CSAD: variants seen among roughly 807,000 people sequenced by gnomAD.
CSAD encodes the protein P-selectin cytoplasmic tail-associated protein.
A neutral mutation model predicts 61.5 loss-of-function variants in CSAD; 47 were observed. The observed-to-expected ratio is 0.76, with a 90% CI of 0.60 to 0.97. The LOEUF is 0.97. CSAD is among the 50% of genes least tolerant of loss of function. The pLI is 0.00. For synonymous variants in CSAD, 245 were observed against 252.7 expected (o/e 0.97, Z 0.29); for missense variants, 611 against 643.6 (o/e 0.95, Z 0.55).
chr12:53,180,024 G>A (rs1941445705), intron 1 of CSAD: 1 of 1,432,608 alleles, frequency 7.0e-7, no homozygotes, highest in African/African-American at 1.4e-5. Context: ...TGGAGTAAAG[G>A]GCGAAGGGGA....
chr12:53,171,766 C>G (rs1940610075), intron 7 of CSAD, 116 bp downstream of exon 7: 1 of 746,996 alleles, frequency 1.3e-6, no homozygotes, highest in African/African-American at 1.8e-5. Context: ...CTGGGTCCAG[C>G]TGGAGAGGAA....
chr12:53,160,460 G>C (rs1364595392), intron 13 of CSAD, 141 bp from the exon 14 acceptor site: 1 of 856,918 alleles, frequency 1.2e-6, no homozygotes, highest in Non-Finnish European at 1.8e-6. Flanking sequence ...CTGCCTGCTG[G>C]CTCCAACACC....
In CSAD at chr12:53,171,420, T is replaced by C. The variant is rs142908260; in HGVS notation, c.473A>G (p.Tyr158Cys). Residue 158 changes from tyrosine to cysteine, a missense_variant, in exon 8 of 17, where the codon TAT becomes TGT. By Grantham distance (194) the Tyr-to-Cys change is radical. Coordinates refer to ENST00000444623, the MANE Select transcript of CSAD (RefSeq NM_001244705.2). The stretch of plus-strand genomic sequence containing the variant: ...CTGATAGCGGGCCAGATTTACAGCA[T>C]ACATGTTGGAGATGGAGCCACCTGT... ...FCPGGSISNM[Y>C]AVNLARYQRY... is the part of the protein sequence containing the mutation. 455 of 1,613,776 alleles carry C rather than the reference T, an allele frequency of 2.8e-4. No individual in the cohort carries two copies. The highest frequency in any genetic ancestry group is 3.6e-4 in the Non-Finnish European group (428 of 1,179,988).
rs1226135466 is a variant in CSAD at position 53,161,348 on chromosome 12, A to C, written c.744T>G (p.Thr248=). ...PFLVSATSGT[T]VLGAFDPLEA... is the part of the protein sequence containing the mutation. ...CCAGGGGGTCAAAGGCCCCTAGCAC[A>C]GTGGTGCCAGAGGTGGCACTGACCA... Residue 248 remains threonine (T), a synonymous_variant, in exon 11 of 17, where the codon ACT becomes ACG. Transcript: ENST00000444623. 1 of 1,613,896 alleles carries C rather than the reference A, an allele frequency of 6.2e-7. No homozygotes were observed. Among genetic ancestry groups the C allele is most frequent in the African/African-American group, 1.3e-5 (1 of 74,916 alleles).
At chr12:53,158,831 T>A (rs1248165081) in intron 16 of CSAD, 147 bp from the exon 17 acceptor site, 1 of 684,772 alleles carries the variant, frequency 1.5e-6, no homozygotes, top group East Asian at 2.7e-5. Flanking sequence ...GACCTTGACC[T>A]TGGCCTCAGT....
Position 53,170,063 on chromosome 12 carries a change from C to T in CSAD, c.702+9G>A, listed in dbSNP as rs759550752. ...GGCTATATCACCCCAGCGAGCCTCA[C>T]TGACTCACCTCAGCCTCGGCCATAC... On this transcript the variant is annotated intron_variant, in intron 10 of 16. Coordinates refer to ENST00000444623, the MANE Select transcript of CSAD (RefSeq NM_001244705.2). 1.5e-5 allele frequency: 25 copies of T among 1,613,370 alleles called. No homozygotes were observed. The Admixed American group carries it at 3.7e-4, about 24-fold the overall frequency.
intron 10 of CSAD, among the ~76,000 whole-genome samples, chr12:53,165,583 A>G (rs1939830320): frequency 6.6e-6 from 1 of 150,716 alleles, no homozygotes; most frequent in African/African-American, 2.4e-5. Flanking sequence ...GAATGGTGTG[A>G]ACCTGGGAGG....
intron 9 of CSAD, 33 bp downstream of exon 9, chr12:53,170,390 A>G (rs1368345872): frequency 1.3e-6 from 2 of 1,583,630 alleles, no homozygotes; most frequent in South Asian, 1.1e-5. Context: ...GTGCAAAGCT[A>G]GGTCACAGCC....
intron 8 of CSAD, 191 bp downstream of exon 8, chr12:53,171,135 C>A: frequency 1.2e-6 from 1 of 812,050 alleles, no homozygotes; most frequent in Non-Finnish European, 2.0e-6. Flanking sequence ...CCCTCCTCTG[C>A]CCCCAAACAG....
chr12:53,165,117 T>C (rs371170460), intron 10 of CSAD, among the ~76,000 whole-genome samples: 6 of 152,086 alleles, frequency 3.9e-5, no homozygotes, highest in African/African-American at 1.2e-4. Flanking sequence ...CCTAGGAGTT[T>C]TGAGACCAGC....
chr12:53,177,710 C>T (rs944188030), intron 2 of CSAD, among the ~76,000 whole-genome samples: 3 of 152,222 alleles, frequency 2.0e-5, no homozygotes, highest in African/African-American at 7.2e-5. Flanking sequence ...ACAATATGGG[C>T]TCACTGCAAC....
chr12:53,170,057 G>C lies in CSAD; in HGVS notation c.702+15C>G. On this transcript the variant is annotated intron_variant, in intron 10 of 16. Coordinates refer to ENST00000444623, the MANE Select transcript of CSAD (RefSeq NM_001244705.2). ...GTTGGAGGCTATATCACCCCAGCGA[G>C]CCTCACTGACTCACCTCAGCCTCGG... 1.2e-6 allele frequency: 2 copies of C among 1,611,836 alleles called. No individual in the cohort carries two copies. The highest frequency in any genetic ancestry group is 1.7e-6 in the Non-Finnish European group (2 of 1,178,006).
Position 53,158,490 on chromosome 12 carries a change from C to T in CSAD, c.*21G>A, listed in dbSNP as rs368918789. ...TGCGGGTGAGGGGTGGTATCAAGGCCGGCAGCAAGACAGAGAAGGCTCACA... is the reference window on the plus strand; with the variant it reads ...TGCGGGTGAGGGGTGGTATCAAGGCTGGCAGCAAGACAGAGAAGGCTCACA... On this transcript the variant is annotated 3_prime_UTR_variant, in exon 17 of 17. Coordinates refer to ENST00000444623, the MANE Select transcript of CSAD (RefSeq NM_001244705.2). 1.3e-5 allele frequency: 21 copies of T among 1,603,912 alleles called. No individual in the cohort carries two copies. The South Asian group carries it at 1.7e-4, about 13-fold the overall frequency.
chr12:53,171,140 A>T, intron 8 of CSAD, 186 bp downstream of exon 8: 1 of 858,160 alleles, frequency 1.2e-6, no homozygotes, highest in Non-Finnish European at 1.9e-6. Flanking sequence ...CTCTGCCCCC[A>T]AACAGAAGGC....
In CSAD at chr12:53,170,489, A is replaced by G. The variant is rs1176754544; in HGVS notation, c.581T>C (p.Ile194Thr). The change falls in exon 9 of 17, where the codon ATC becomes ACC. Residue 194 changes from isoleucine to threonine, a missense_variant. Coordinates refer to ENST00000444623, the MANE Select transcript of CSAD (RefSeq NM_001244705.2). ...TCCCAGAAACGCAGCTCCCTTCTGGATGGAGTAGTGACACTGTGGGGGAAG... is the reference window on the plus strand; with the variant it reads ...TCCCAGAAACGCAGCTCCCTTCTGGGTGGAGTAGTGACACTGTGGGGGAAG... ...LFTSKECHYS[I>T]QKGAAFLGLG... The G allele has an allele frequency of 3.7e-6, 6 of 1,613,880 alleles. No homozygotes were observed. The Admixed American group carries it at 1.0e-4, about 27-fold the overall frequency.
upstream of CSAD, chr12:53,181,248 C>T: frequency 2.0e-6 from 2 of 985,458 alleles, no homozygotes; most frequent in Non-Finnish European, 2.4e-6. Flanking sequence ...GGGGAGAACG[C>T]ACACGTGTGG....
chr12:53,168,690 C>A (rs1019278626), intron 10 of CSAD, among the ~76,000 whole-genome samples: 1 of 152,088 alleles, frequency 6.6e-6, no homozygotes, highest in Non-Finnish European at 1.5e-5. Context: ...ACAACAATAC[C>A]AGTAGCTTGT....
intron 10 of CSAD, among the ~76,000 whole-genome samples, chr12:53,169,392 T>A (rs1309502850): frequency 1.3e-5 from 2 of 150,918 alleles, no homozygotes; most frequent in Non-Finnish European, 2.9e-5. Flanking sequence ...GGCAGAGGAA[T>A]CACTTGAACC....
In CSAD at chr12:53,160,240, G is replaced by T. The variant is rs530642510; in HGVS notation, c.1046C>A (p.Thr349Lys). 2 of 1,614,204 alleles carry T rather than the reference G, an allele frequency of 1.2e-6. No individual in the cohort carries two copies. Among genetic ancestry groups the T allele is most frequent in the South Asian group, 2.2e-5 (2 of 91,090 alleles). ...QDKFYDVALD[T>K]GDKVVQCGRR... ...GCCACACTGCACCACCTTGTCTCCCGTGTCCAGAGCCACATCGTAGAACTT... is the reference window on the plus strand; with the variant it reads ...GCCACACTGCACCACCTTGTCTCCCTTGTCCAGAGCCACATCGTAGAACTT... The change falls in exon 14 of 17, where the codon ACG (threonine) becomes AAG (lysine). Residue 349 changes from threonine to lysine, a missense_variant. Coordinates refer to ENST00000444623, the MANE Select transcript of CSAD (RefSeq NM_001244705.2).
Sources: gnomAD v4.1 joint callset for allele counts (sites outside exome capture counted in the v4.1 genomes callset) on GRCh38, gnomAD v4.1.1 for gene constraint, MANE v1.5 for transcripts, NCBI Gene and HGNC (gene_info 2026-07-23, HGNC 2026-07-21) for gene names.